Variants in AKAP6 observed in about 807,000 individuals in gnomAD.
AKAP6 encodes the protein A-kinase anchor protein 6.
In AKAP6, 58 loss-of-function variants were observed where a neutral mutation model predicts 188.5. The observed-to-expected ratio is 0.31, with a 90% CI of 0.25 to 0.38. The LOEUF (loss-of-function observed/expected upper bound fraction) is 0.38, where lower values mean the gene tolerates loss of function less well. AKAP6 is among the 10% of genes least tolerant of loss of function. The pLI, the probability that AKAP6 is intolerant of heterozygous loss-of-function variation, is 1.00. For missense variants in AKAP6, 2,710 were observed against 2,740.0 expected (o/e 0.99, Z 0.24); for synonymous variants, 989 against 998.6 (o/e 0.99, Z 0.18).
At chr14:32,458,963 C>T (rs1039646800) in intron 2 of AKAP6, among the ~76,000 whole-genome samples, 3 of 152,044 alleles carry the variant, frequency 2.0e-5, no homozygotes, top group South Asian at 2.1e-4. Context: ...TTCGTAATAG[C>T]CCCAAACTAG....
At chr14:32,370,785 T>G (rs774926313) in intron 1 of AKAP6, among the ~76,000 whole-genome samples, 5 of 152,202 alleles carry the variant, frequency 3.3e-5, no homozygotes, top group Admixed American at 1.3e-4. Context: ...GGGGTTAGAA[T>G]TTTTTAGTTT....
At chr14:32,420,211 G>C (rs1421503077) in intron 1 of AKAP6, among the ~76,000 whole-genome samples, 1 of 151,914 alleles carries the variant, frequency 6.6e-6, no homozygotes, top group African/African-American at 2.4e-5. Flanking sequence ...GATACTTTTG[G>C]TAACTACCTC....
intron 1 of AKAP6, among the ~76,000 whole-genome samples, chr14:32,372,036 T>A (rs1468898852): frequency 6.6e-6 from 1 of 152,090 alleles, no homozygotes; most frequent in Non-Finnish European, 1.5e-5. Context: ...AGTACCTACT[T>A]TATTCCTTAA....
intron 1 of AKAP6, among the ~76,000 whole-genome samples, chr14:32,355,213 AG>A (rs1275354562): frequency 1.3e-5 from 2 of 152,164 alleles, no homozygotes; most frequent in East Asian, 3.8e-4. Context: ...GGTAAATTAA[AG>A]GGAAACATTT....
At chr14:32,352,527 T>C (rs971060180) in intron 1 of AKAP6, among the ~76,000 whole-genome samples, 1 of 152,152 alleles carries the variant, frequency 6.6e-6, no homozygotes, top group Non-Finnish European at 1.5e-5. Context: ...ACTGTGATTT[T>C]ATACCCCTTG....
chr14:32,462,219 A>T (rs1167707443), intron 2 of AKAP6, among the ~76,000 whole-genome samples: 1 of 152,146 alleles, frequency 6.6e-6, no homozygotes, highest in Non-Finnish European at 1.5e-5. Flanking sequence ...AAATTCAGGA[A>T]ATACAGAGAA....
chr14:32,621,938 T>G (rs920605808), intron 7 of AKAP6, among the ~76,000 whole-genome samples: 1 of 152,262 alleles, frequency 6.6e-6, no homozygotes, highest in East Asian at 1.9e-4. Context: ...CATTTAAGTA[T>G]TATAATTGTT....
At chr14:32,411,084 A>G (rs576343915) in intron 1 of AKAP6, among the ~76,000 whole-genome samples, 1 of 152,284 alleles carries the variant, frequency 6.6e-6, no homozygotes, top group South Asian at 2.1e-4. Flanking sequence ...TTTGCTCCTT[A>G]TAGGACATTT....
chr14:32,548,543 TA>T, intron 4 of AKAP6, among the ~76,000 whole-genome samples: 1 of 149,540 alleles, frequency 6.7e-6, no homozygotes. Flanking sequence ...GATAGATAGA[TA>T]GATAGATAGA....
intron 9 of AKAP6, among the ~76,000 whole-genome samples, chr14:32,702,319 G>A (rs1890648249): frequency 1.3e-5 from 2 of 152,000 alleles, no homozygotes; most frequent in African/African-American, 4.8e-5. Flanking sequence ...TTTTATTAAA[G>A]TTTGAAAAGT....
At chr14:32,367,581 C>T (rs1333727210) in intron 1 of AKAP6, among the ~76,000 whole-genome samples, 2 of 152,098 alleles carry the variant, frequency 1.3e-5, no homozygotes, top group Non-Finnish European at 2.9e-5. Flanking sequence ...ATATTTTAAA[C>T]AGGAATGGAT....
chr14:32,338,684 G>A (rs1183684399), intron 1 of AKAP6, among the ~76,000 whole-genome samples: 1 of 152,054 alleles, frequency 6.6e-6, no homozygotes, highest in Non-Finnish European at 1.5e-5. Flanking sequence ...ATTTACCTTT[G>A]AATCTTAGCT....
chr14:32,453,911 CA>C (rs1891034399), intron 2 of AKAP6, among the ~76,000 whole-genome samples: 1 of 152,172 alleles, frequency 6.6e-6, no homozygotes, highest in Non-Finnish European at 1.5e-5. Context: ...CTCTTTAAGC[CA>C]AATTAGAAAT....
Position 32,830,011 on chromosome 14 carries a change from G to A in AKAP6, c.*206G>A, listed in dbSNP as rs1009269801. On this transcript the variant is annotated 3_prime_UTR_variant, in exon 14 of 14. Coordinates refer to ENST00000280979, the MANE Select transcript of AKAP6 (RefSeq NM_004274.5). Reference sequence around the variant, plus strand: ...CAAGCCTTGTGATCTGAATGTGTGCGCTGGTTCTCTTTAGGTGATCGTCTT... The same window carrying A: ...CAAGCCTTGTGATCTGAATGTGTGCACTGGTTCTCTTTAGGTGATCGTCTT... The A allele has an allele frequency of 1.4e-5, 10 of 701,184 alleles. No individual in the cohort carries two copies. Among genetic ancestry groups the A allele is most frequent in the Admixed American group, 1.4e-4 (7 of 49,878 alleles). 43.4% of individuals were successfully genotyped at this position (701,184 alleles called of 1,614,324 possible). A position where few individuals can be genotyped will look rare whatever the true frequency, so the allele number is the denominator to read the frequency against.
intron 1 of AKAP6, among the ~76,000 whole-genome samples, chr14:32,378,813 A>G (rs1312519615): frequency 2.0e-5 from 3 of 152,116 alleles, no homozygotes; most frequent in Non-Finnish European, 2.9e-5. Flanking sequence ...CATCTCATCT[A>G]TGTGAATTTT....
At chr14:32,401,790 T>C (rs1037260193) in intron 1 of AKAP6, among the ~76,000 whole-genome samples, 1 of 152,358 alleles carries the variant, frequency 6.6e-6, no homozygotes, top group South Asian at 2.1e-4. Flanking sequence ...TCAAATATAC[T>C]CTGTGCTACT....
At chr14:32,492,355 T>TATATATATATATATATATAGAGAGAG in intron 2 of AKAP6, among the ~76,000 whole-genome samples, 99 of 82,580 alleles carry the variant, frequency 1.2e-3, no homozygotes, top group Middle Eastern at 7.6e-3. Flanking sequence ...TATATATATA[T>TATATATATATATATATATAGAGAGAG]AGAGAGAGAG....
rs549781048 is a variant in AKAP6, at chr14:32,341,766, G to A, written c.-35+12358G>A. ...AGGCTGGATGTGGTGGCTCAGGCCT[G>A]GCCATCATTTTAGGGAAGCTCAGGA... On this transcript the variant is annotated intron_variant, in intron 1 of 13. Coordinates refer to ENST00000280979, the MANE Select transcript of AKAP6 (RefSeq NM_004274.5). Among the ~76,000 whole-genome samples the A allele has an allele frequency of 6.6e-5, 10 of 152,216 alleles. No homozygotes were observed. In the South Asian group the frequency reaches 2.1e-3, roughly 32 times the overall value.
intron 7 of AKAP6, among the ~76,000 whole-genome samples, chr14:32,640,015 A>T (rs1887685362): frequency 6.6e-6 from 1 of 152,170 alleles, no homozygotes; most frequent in East Asian, 1.9e-4. Context: ...CTTAATATAG[A>T]TACATCTCAA....
Sources: gnomAD v4.1 joint callset for allele counts (sites outside exome capture counted in the v4.1 genomes callset) on GRCh38, gnomAD v4.1.1 for gene constraint, MANE v1.5 for transcripts, NCBI Gene and HGNC (gene_info 2026-07-23, HGNC 2026-07-21) for gene names.